The following PPFIA2 variants were observed in gnomAD, a reference collection of about 807,000 sequenced individuals.
PPFIA2 encodes the protein liprin-alpha-2.
A neutral mutation model predicts 175.5 loss-of-function variants in PPFIA2; 46 were observed. That is an observed-to-expected ratio of 0.26 (90% CI 0.21 to 0.34). The LOEUF (loss-of-function observed/expected upper bound fraction) is 0.34. PPFIA2 is among the 10% of genes least tolerant of loss of function. PPFIA2 has a pLI of 1.00. For synonymous variants in PPFIA2, 568 were observed against 511.4 expected (o/e 1.11, Z -1.49); for missense variants, 1,179 against 1,506.1 (o/e 0.78, Z 3.60).
intron 4 of PPFIA2, among the ~76,000 whole-genome samples, chr12:81,559,919 GC>G (rs2069665004): frequency 2.0e-5 from 3 of 151,724 alleles, no homozygotes; most frequent in Non-Finnish European, 2.9e-5. Context: ...GACTCCTTTG[GC>G]CAAAATAGAA....
At position 81,326,970 on chromosome 12, in the gene PPFIA2, T is replaced by C. The variant is rs930977969; in HGVS notation, c.2549-1100A>G. 8.5e-5 allele frequency among the ~76,000 whole-genome samples: 13 copies of C among 152,218 alleles called. 1 individual carries two copies. The East Asian group carries it at 2.5e-3, about 29-fold the overall frequency. ...CTCATTGTAGTGGACACTTCCTTAC[T>C]TAACATTTGCAGGACTCGACCAAGA... On this transcript the variant is annotated intron_variant, in intron 21 of 32. Transcript: ENST00000549396.
chr12:81,606,101 T>C (rs1476979870), intron 4 of PPFIA2, among the ~76,000 whole-genome samples: 4 of 151,938 alleles, frequency 2.6e-5, no homozygotes, highest in Non-Finnish European at 4.4e-5. Context: ...CTAATTCACT[T>C]AAGATTATGG....
At chr12:81,624,736 C>G (rs987926050) in intron 4 of PPFIA2, among the ~76,000 whole-genome samples, 1 of 149,958 alleles carries the variant, frequency 6.7e-6, no homozygotes, top group African/African-American at 2.4e-5. Context: ...AGTGGAAAAC[C>G]AAAAACTGTA....
intron 3 of PPFIA2, among the ~76,000 whole-genome samples, chr12:81,705,231 C>T (rs554631762): frequency 2.0e-5 from 3 of 150,788 alleles, no homozygotes; most frequent in South Asian, 2.1e-4. Flanking sequence ...GGGCAGATCA[C>T]GAGGTCAGGA....
intron 4 of PPFIA2, among the ~76,000 whole-genome samples, chr12:81,660,677 A>G (rs1052072707): frequency 6.6e-5 from 10 of 152,128 alleles, no homozygotes; most frequent in Admixed American, 2.6e-4. Context: ...CCAACATTCA[A>G]ATTCAGGAAA....
intron 24 of PPFIA2, among the ~76,000 whole-genome samples, chr12:81,288,664 C>T (rs564117128): frequency 6.6e-6 from 1 of 151,794 alleles, no homozygotes; most frequent in East Asian, 1.9e-4. Flanking sequence ...TTTGTTACTA[C>T]CTAGGTCATT....
chr12:81,490,890 T>C (rs187545405), intron 4 of PPFIA2, among the ~76,000 whole-genome samples: 2 of 152,086 alleles, frequency 1.3e-5, no homozygotes, highest in East Asian at 3.9e-4. Context: ...TGGAAGCAAA[T>C]GACATCCTAA....
chr12:81,326,487 T>C (rs1441144734), intron 21 of PPFIA2, among the ~76,000 whole-genome samples: 2 of 152,134 alleles, frequency 1.3e-5, no homozygotes, highest in Non-Finnish European at 2.9e-5. Flanking sequence ...GTGTTGTTTT[T>C]TAAACTTCAT....
chr12:81,503,209 G>A lies in PPFIA2; in HGVS notation c.304-45343C>T, dbSNP rs376029691. ...GGACTGTGGTAACAACCTTCTAACT[G>A]ATTTTTTTAAATTTTTTTATTTTTA... is the stretch of plus-strand genomic sequence containing the variant. On this transcript the variant is annotated intron_variant, in intron 4 of 32. Transcript: ENST00000549396. Among the ~76,000 whole-genome samples, 41 of 152,068 alleles carry A rather than the reference G, an allele frequency of 2.7e-4. No individual in the cohort carries two copies. In the East Asian group the frequency reaches 3.5e-3, roughly 13 times the overall value.
intron 4 of PPFIA2, among the ~76,000 whole-genome samples, chr12:81,619,172 A>T (rs984736540): frequency 6.6e-6 from 1 of 152,194 alleles, no homozygotes; most frequent in African/African-American, 2.4e-5. Flanking sequence ...AAGCGAAGTA[A>T]AACATCCGTC....
chr12:81,552,402 A>T (rs1006276309), intron 4 of PPFIA2, among the ~76,000 whole-genome samples: 38 of 151,946 alleles, frequency 2.5e-4, no homozygotes, highest in African/African-American at 8.9e-4. Context: ...CATAACAGTT[A>T]ATTACAGAGA....
chr12:81,472,036 T>C (rs1269717047), intron 4 of PPFIA2, among the ~76,000 whole-genome samples: 7 of 152,202 alleles, frequency 4.6e-5, no homozygotes. Flanking sequence ...AAAAGAAATG[T>C]AGTATACATG....
At chr12:81,265,582 G>A (rs907130160) in intron 30 of PPFIA2, among the ~76,000 whole-genome samples, 4 of 152,028 alleles carry the variant, frequency 2.6e-5, no homozygotes, top group Non-Finnish European at 4.4e-5. Context: ...GGCTATTTTT[G>A]CTCACACTAA....
chr12:81,473,351 GTGAGCCGAGAT>G (rs1566969477), intron 4 of PPFIA2, among the ~76,000 whole-genome samples: 1 of 152,188 alleles, frequency 6.6e-6, no homozygotes, highest in East Asian at 1.9e-4. Flanking sequence ...GGAGGTTGCA[GTGAGCCGAGAT>G]TGAGCCATTG....
At chr12:81,624,396 T>A (rs1029946231) in intron 4 of PPFIA2, among the ~76,000 whole-genome samples, 2 of 148,062 alleles carry the variant, frequency 1.4e-5, no homozygotes, top group African/African-American at 2.5e-5. Flanking sequence ...ATATACTGAT[T>A]TTATATTTCA....
At chr12:81,579,391 C>A (rs2074072145) in intron 4 of PPFIA2, among the ~76,000 whole-genome samples, 1 of 151,692 alleles carries the variant, frequency 6.6e-6, no homozygotes, top group Admixed American at 6.6e-5. Context: ...GCTTTTGTTT[C>A]ATTTTAAACA....
intron 4 of PPFIA2, among the ~76,000 whole-genome samples, chr12:81,504,490 A>C (rs2060934588): frequency 6.6e-6 from 1 of 152,172 alleles, no homozygotes; most frequent in Non-Finnish European, 1.5e-5. Flanking sequence ...AAAGTCAGGA[A>C]ACAACAGATG....
chr12:81,258,713 T>C lies in PPFIA2; in HGVS notation c.*981A>G, dbSNP rs1452546229. On this transcript the variant is annotated 3_prime_UTR_variant, in exon 33 of 33. Coordinates refer to ENST00000549396, the MANE Select transcript of PPFIA2 (RefSeq NM_003625.5). ...GAGTCTGGCTAATGCCCTGTTACAT[T>C]GACAAAAGGGAAAGGTATCTTGGGT... 2 of 152,060 alleles carry C rather than the reference T, an allele frequency of 1.3e-5. No homozygotes were observed. Among genetic ancestry groups the C allele is most frequent in the Non-Finnish European group, 2.9e-5 (2 of 68,016 alleles). 9.4% of individuals were successfully genotyped at this position (152,060 alleles called of 1,614,324 possible).
chr12:81,561,490 A>C (rs2070061438), intron 4 of PPFIA2, among the ~76,000 whole-genome samples: 1 of 152,018 alleles, frequency 6.6e-6, no homozygotes, highest in African/African-American at 2.4e-5. Context: ...GTGATGTGCC[A>C]GGGTAATACA....
Sources: gnomAD v4.1 joint callset for allele counts (sites outside exome capture counted in the v4.1 genomes callset) on GRCh38, gnomAD v4.1.1 for gene constraint, MANE v1.5 for transcripts, NCBI Gene and HGNC (gene_info 2026-07-23, HGNC 2026-07-21) for gene names.